ZNF138: variants seen among roughly 807,000 people sequenced by gnomAD.
The protein encoded by ZNF138 is zinc finger protein 138.
Under a neutral mutation model 33.0 loss-of-function variants are expected in ZNF138, and 33 were observed. That is an observed-to-expected ratio of 1.00 (90% confidence interval 0.76 to 1.34). The LOEUF is 1.34. Among genes scored for constraint, ZNF138 ranks in the 40% most tolerant of loss-of-function variants. The probability of loss-of-function intolerance (pLI) is 0.00; values close to 1 mark genes in which losing one functional copy is unlikely to be tolerated. For synonymous variants in ZNF138, 139 were observed against 120.4 expected (o/e 1.15, Z -1.01); for missense variants, 360 against 370.8 (o/e 0.97, Z 0.24).
At chr7:64,829,752 A>G (rs913072107) in intron 3 of ZNF138, among the ~76,000 whole-genome samples, 1 of 151,858 alleles carries the variant, frequency 6.6e-6, no homozygotes, top group Non-Finnish European at 1.5e-5. Context: ...TTTCTGCACT[A>G]TTATGATAAT....
intron 1 of ZNF138, among the ~76,000 whole-genome samples, chr7:64,806,670 C>G (rs1787623802): frequency 1.3e-5 from 2 of 152,176 alleles, no homozygotes. Context: ...GTCTTTATCC[C>G]TTCTTTGAGC....
At chr7:64,834,082 CAT>C (rs1330431663), downstream of ZNF138, among the ~76,000 whole-genome samples, 5 of 152,084 alleles carry the variant, frequency 3.3e-5, no homozygotes, top group African/African-American at 1.2e-4. Context: ...ACATTAGAAA[CAT>C]AAAGAGGGTT....
intron 3 of ZNF138, 119 bp from the exon 4 acceptor site, chr7:64,831,332 T>C (rs1790060708): frequency 3.0e-6 from 3 of 991,570 alleles, no homozygotes; most frequent in East Asian, 4.9e-5. Flanking sequence ...TTAGAACCTG[T>C]GGTATTTTGC....
chr7:64,814,867 C>T (rs1471196956), intron 1 of ZNF138, 51 bp from the exon 2 acceptor site: 4 of 1,605,650 alleles, frequency 2.5e-6, no homozygotes, highest in Admixed American at 3.4e-5. Context: ...AAATTCTGCC[C>T]ATGGCTACTT....
chr7:64,815,751 G>T, intron 3 of ZNF138, 98 bp downstream of exon 3: 1 of 1,141,892 alleles, frequency 8.8e-7, no homozygotes, highest in Non-Finnish European at 1.2e-6. Context: ...GTATTCCAAA[G>T]GAAATAGTTT....
the ZNF138 span, among the ~76,000 whole-genome samples, chr7:64,844,945 A>G: frequency 6.6e-6 from 1 of 152,178 alleles, no homozygotes; most frequent in Non-Finnish European, 1.5e-5. Context: ...TCGGCCTCCC[A>G]AAGTGTTGGG....
At chr7:64,855,070 C>G in the ZNF138 span, among the ~76,000 whole-genome samples, 1 of 152,132 alleles carries the variant, frequency 6.6e-6, no homozygotes, top group Non-Finnish European at 1.5e-5. Flanking sequence ...AGCCATGTAA[C>G]TAACAGTCCA....
intron 3 of ZNF138, among the ~76,000 whole-genome samples, chr7:64,819,426 G>A (rs1364698361): frequency 6.6e-6 from 1 of 150,748 alleles, no homozygotes; most frequent in African/African-American, 2.4e-5. Flanking sequence ...GGAGTGCAGT[G>A]GAAGGATCTT....
intron 3 of ZNF138, among the ~76,000 whole-genome samples, chr7:64,826,428 C>T (rs886588020): frequency 9.2e-5 from 14 of 152,060 alleles, no homozygotes; most frequent in East Asian, 1.9e-4. Context: ...TACAGGCATG[C>T]ACCACCATGC....
At chr7:64,803,935 G>A (rs1445918873) in intron 1 of ZNF138, among the ~76,000 whole-genome samples, 1 of 152,174 alleles carries the variant, frequency 6.6e-6, no homozygotes, top group Non-Finnish European at 1.5e-5. Context: ...GAATGCTGCT[G>A]TTACAGGAAA....
chr7:64,804,636 C>T (rs1583790349), intron 1 of ZNF138, among the ~76,000 whole-genome samples: 1 of 152,034 alleles, frequency 6.6e-6, no homozygotes, highest in African/African-American at 2.4e-5. Flanking sequence ...ATAAAATAAG[C>T]CAGGTGTGGT....
At chr7:64,842,067 T>G in the ZNF138 span, among the ~76,000 whole-genome samples, 6 of 152,162 alleles carry the variant, frequency 3.9e-5, no homozygotes, top group African/African-American at 7.2e-5. Flanking sequence ...AACACAGATT[T>G]ATTTATTTAT....
downstream of ZNF138, among the ~76,000 whole-genome samples, chr7:64,837,260 G>T (rs904647377): frequency 1.3e-5 from 2 of 152,110 alleles, no homozygotes; most frequent in Non-Finnish European, 2.9e-5. Context: ...GCTGCCGTCG[G>T]TGTTGTAAGA....
the ZNF138 span, among the ~76,000 whole-genome samples, chr7:64,844,438 G>C: frequency 6.6e-6 from 1 of 151,984 alleles, no homozygotes; most frequent in African/African-American, 2.4e-5. Flanking sequence ...GATAGCAAAA[G>C]GGAACTTGGG....
intron 1 of ZNF138, among the ~76,000 whole-genome samples, chr7:64,801,039 A>G (rs1042784198): frequency 3.3e-5 from 5 of 151,904 alleles, no homozygotes; most frequent in Admixed American, 6.6e-5. Flanking sequence ...CCCTTTTGTC[A>G]TTTCTAATTG....
At chr7:64,852,304 G>GAT in the ZNF138 span, 1 of 843,594 alleles carries the variant, frequency 1.2e-6, no homozygotes, top group South Asian at 1.5e-5. Context: ...GATACAGTGA[G>GAT]ATTTTTGTTG....
rs759117647 is a variant in ZNF138 at position 64,831,712 on chromosome 7, A to G, written c.470A>G (p.His157Arg). Residue 157 changes from histidine (H) to arginine (R), a missense_variant, in exon 4 of 4, where the codon CAC (histidine) becomes CGC (arginine). Physicochemically the swap from His to Arg is conservative, Grantham distance 29. Coordinates refer to ENST00000307355, the MANE Select transcript of ZNF138 (RefSeq NM_001271639.2). ...VMHKFSNSNR[H>R]KIRHTENKHF... ...CATAAATTTTCAAATTCAAATAGAC[A>G]CAAGATAAGACATACTGAAAATAAA... 8.1e-6 allele frequency: 13 copies of G among 1,610,760 alleles called. No individual in the cohort carries two copies. Among genetic ancestry groups the G allele is most frequent in the Non-Finnish European group, 1.0e-5 (12 of 1,178,754 alleles).
chr7:64,852,883 T>G, the ZNF138 span: 2 of 939,184 alleles, frequency 2.1e-6, no homozygotes, highest in Non-Finnish European at 3.5e-6. Context: ...GGCCGCCCAT[T>G]ACAGACGTTT....
the ZNF138 span, among the ~76,000 whole-genome samples, chr7:64,859,949 C>G: frequency 6.6e-6 from 1 of 152,146 alleles, no homozygotes; most frequent in Non-Finnish European, 1.5e-5. Context: ...CCAGCCTGAC[C>G]AACATGGTGA....
Sources: gnomAD v4.1 joint callset for allele counts (sites outside exome capture counted in the v4.1 genomes callset) on GRCh38, gnomAD v4.1.1 for gene constraint, MANE v1.5 for transcripts, NCBI Gene and HGNC (gene_info 2026-07-23, HGNC 2026-07-21) for gene names.